The following SLC39A12 variants were observed in gnomAD, a reference collection of about 807,000 sequenced individuals.
SLC39A12 encodes solute carrier family 39 member 12, also known as zinc transporter ZIP12.
Under a neutral mutation model 71.1 loss-of-function variants are expected in SLC39A12, and 63 were observed. The ratio of observed to expected loss-of-function variants is 0.89; its 90% CI spans 0.72 to 1.09. The LOEUF is 1.09. Among genes scored for constraint, SLC39A12 ranks in the 50% least tolerant of loss-of-function variants. The pLI is 0.00. For synonymous variants in SLC39A12, 351 were observed against 301.3 expected (o/e 1.16, Z -1.71); for missense variants, 892 against 812.6 (o/e 1.10, Z -1.19).
At chr10:18,013,346 T>TTTTTTATTATTA (rs57028037) in intron 12 of SLC39A12, among the ~76,000 whole-genome samples, 3,674 of 139,822 alleles carry the variant, frequency 0.026, 134 homozygotes, top group East Asian at 0.13. Context: ...TCCAACTTTA[T>TTTTTTATTATTA]TTATTATTAT....
At chr10:17,982,130 C>A (rs1005702882) in intron 6 of SLC39A12, among the ~76,000 whole-genome samples, 14 of 152,114 alleles carry the variant, frequency 9.2e-5, no homozygotes, top group Admixed American at 2.0e-4. Context: ...ATGAAGGTGA[C>A]CCATGCTGGG....
intron 4 of SLC39A12, among the ~76,000 whole-genome samples, chr10:17,976,037 G>A (rs910991098): frequency 4.6e-5 from 7 of 152,174 alleles, no homozygotes; most frequent in Non-Finnish European, 8.8e-5. Flanking sequence ...TGCTGCTACT[G>A]GGGAGGTGGG....
intron 9 of SLC39A12, among the ~76,000 whole-genome samples, chr10:17,994,408 A>G (rs1835632955): frequency 7.0e-6 from 1 of 142,834 alleles, no homozygotes; most frequent in African/African-American, 2.5e-5. Context: ...TTTTCAAGAA[A>G]CTCGAGGATA....
At chr10:18,038,170 T>C (rs1247816177) in intron 12 of SLC39A12, among the ~76,000 whole-genome samples, 1 of 151,784 alleles carries the variant, frequency 6.6e-6, no homozygotes, top group African/African-American at 2.4e-5. Context: ...CCTCTGGAGT[T>C]GTGAAAATGT....
At chr10:18,027,757 G>T (rs969214982) in intron 12 of SLC39A12, among the ~76,000 whole-genome samples, 3 of 152,140 alleles carry the variant, frequency 2.0e-5, no homozygotes, top group African/African-American at 7.2e-5. Context: ...GAGAGTTGTT[G>T]GTTTTTCAGT....
intron 4 of SLC39A12, among the ~76,000 whole-genome samples, chr10:17,976,549 C>T (rs1253417626): frequency 2.6e-5 from 4 of 152,146 alleles, no homozygotes; most frequent in Non-Finnish European, 5.9e-5. Flanking sequence ...TCCTGAGTAG[C>T]TTGGATTACA....
intron 11 of SLC39A12, chr10:18,001,942 T>TTTG (rs1835846890): frequency 1.6e-5 from 2 of 126,994 alleles, no homozygotes; most frequent in South Asian, 5.1e-4. Flanking sequence ...TTTTTTTTTT[T>TTTG]GTAGTGATTA....
intron 12 of SLC39A12, among the ~76,000 whole-genome samples, chr10:18,020,142 C>A (rs552750948): frequency 6.6e-6 from 1 of 152,026 alleles, no homozygotes; most frequent in Non-Finnish European, 1.5e-5. Flanking sequence ...CACCCTCCAC[C>A]TTAATTAAGC....
chr10:18,009,910 G>A (rs560812415), intron 12 of SLC39A12, among the ~76,000 whole-genome samples: 1 of 152,278 alleles, frequency 6.6e-6, no homozygotes, highest in South Asian at 2.1e-4. Flanking sequence ...CTTATTGTAG[G>A]TCAGTAAATG....
At chr10:18,018,980 A>C (rs778283990) in intron 12 of SLC39A12, among the ~76,000 whole-genome samples, 4 of 152,094 alleles carry the variant, frequency 2.6e-5, no homozygotes, top group Non-Finnish European at 4.4e-5. Flanking sequence ...TTTTTTCCTA[A>C]AGTGTTTGGT....
rs192970196 is a variant in SLC39A12 at position 18,035,859 on chromosome 10, G to T, written c.1948-6846G>T. On this transcript the variant is annotated intron_variant, in intron 12 of 12. Coordinates refer to ENST00000377369, the MANE Select transcript of SLC39A12 (RefSeq NM_001145195.2). ...TGTCCTTTCTGTTTTTTAGTTTTCC[G>T]TCTAACAGACAGGACCCTCAGCTGC... Among the ~76,000 whole-genome samples, 1,483 of 152,142 alleles carry T rather than the reference G, an allele frequency of 9.7e-3. 17 individuals are homozygous for T. The highest frequency in any genetic ancestry group is 0.014 in the Middle Eastern group (4 of 294).
rs768873035 is a variant in SLC39A12 at position 17,977,918 on chromosome 10, C to T, written c.768C>T (p.Leu256=). 3.1e-6 allele frequency: 5 copies of T among 1,600,770 alleles called. No homozygotes were observed. The East Asian group carries it at 8.9e-5, about 29-fold the overall frequency. Residue 256 remains leucine (L), a synonymous_variant, in exon 5 of 13, where the codon CTC becomes CTT. Transcript: ENST00000377369. ...AATTTCTAGAACTAGACCAACTCCT[C>T]AACACTCTCTGGACCAGAAGTACTT... ...TLRLSELDQL[L]NTLWTRSTCI... is the part of the protein sequence containing the mutation.
chr10:17,996,481 C>T (rs905147605), intron 10 of SLC39A12, among the ~76,000 whole-genome samples: 1 of 152,156 alleles, frequency 6.6e-6, no homozygotes, highest in Non-Finnish European at 1.5e-5. Flanking sequence ...TCCCATTCTA[C>T]CGTAATAACT....
At chr10:18,000,344 G>T (rs1835798121) in intron 10 of SLC39A12, among the ~76,000 whole-genome samples, 1 of 152,206 alleles carries the variant, frequency 6.6e-6, no homozygotes. Flanking sequence ...AGACGGGAAG[G>T]TCATCAGTGG....
chr10:17,954,179 G>A (rs1564636328), intron 2 of SLC39A12, among the ~76,000 whole-genome samples: 1 of 152,096 alleles, frequency 6.6e-6, no homozygotes, highest in Non-Finnish European at 1.5e-5. Flanking sequence ...CCCATGTTTA[G>A]GTGTCATCCT....
intron 7 of SLC39A12, among the ~76,000 whole-genome samples, chr10:17,989,598 T>C (rs1300082557): frequency 9.4e-6 from 1 of 106,836 alleles, no homozygotes; most frequent in Non-Finnish European, 2.1e-5. Context: ...TCCCGAAATT[T>C]TGTAGACAGT....
In SLC39A12 at chr10:18,042,721, A is replaced by T; in HGVS notation, c.1964A>T (p.His655Leu). 6.2e-7 allele frequency: 1 copy of T among 1,607,140 alleles called. No homozygotes were observed. The highest frequency in any genetic ancestry group is 8.5e-7 in the Non-Finnish European group (1 of 1,177,422). ...SLVEMLPEMT[H>L]VQTQRPWMMF... is the part of the protein sequence containing the mutation. ...TTTTTTTAGCTTCCTGAAATGACTC[A>T]TGTTCAAACACAACGACCCTGGATG... Residue 655 changes from histidine (H) to leucine (L), a missense_variant, in exon 13 of 13, where the codon CAT becomes CTT. Transcript: ENST00000377369.
At chr10:17,985,526 A>T (rs1175502279) in intron 6 of SLC39A12, among the ~76,000 whole-genome samples, 1 of 152,000 alleles carries the variant, frequency 6.6e-6, no homozygotes, top group Non-Finnish European at 1.5e-5. Context: ...CTTATTGTAT[A>T]TCCATAGTCA....
chr10:17,960,542 T>G (rs1464082304), intron 2 of SLC39A12, among the ~76,000 whole-genome samples: 3 of 152,234 alleles, frequency 2.0e-5, no homozygotes, highest in African/African-American at 7.2e-5. Flanking sequence ...TGCCAGGTAT[T>G]GTGCTATATG....
Sources: gnomAD v4.1 joint callset for allele counts (sites outside exome capture counted in the v4.1 genomes callset) on GRCh38, gnomAD v4.1.1 for gene constraint, MANE v1.5 for transcripts, NCBI Gene and HGNC (gene_info 2026-07-23, HGNC 2026-07-21) for gene names.